CMSS1: variants seen among roughly 807,000 people sequenced by gnomAD.
CMSS1 encodes cms1 ribosomal small subunit homolog.
In CMSS1, 33 loss-of-function variants were observed where a neutral mutation model predicts 43.5. The ratio of observed to expected loss-of-function variants is 0.76; its 90% CI spans 0.57 to 1.01. The LOEUF (loss-of-function observed/expected upper bound fraction) is 1.01, where lower values mean the gene tolerates loss of function less well. CMSS1 is among the 50% of genes least tolerant of loss of function. The probability of loss-of-function intolerance (pLI) is 0.00; values close to 1 mark genes in which losing one functional copy is unlikely to be tolerated. For missense variants in CMSS1, 313 were observed against 326.4 expected (o/e 0.96, Z 0.32); for synonymous variants, 115 against 117.2 (o/e 0.98, Z 0.12).
intron 1 of CMSS1, among the ~76,000 whole-genome samples, chr3:100,023,008 T>TA (rs2064853658): frequency 6.6e-6 from 1 of 152,198 alleles, no homozygotes. Flanking sequence ...TGCCTGCTGT[T>TA]AGAGTAGCCA....
chr3:100,025,806 C>T lies in CMSS1; in HGVS notation c.65-121167C>T, dbSNP rs532272070. On this transcript the variant is annotated intron_variant, in intron 1 of 9. Transcript: ENST00000421999. ...AGAGTTTGAGAAGCTCTGCTGTAGT[C>T]GACCTCCATTTTTTGTTGGTAAGCC... is the stretch of plus-strand genomic sequence containing the variant. Among the ~76,000 whole-genome samples, 5 of 152,194 alleles carry T rather than the reference C, an allele frequency of 3.3e-5. No homozygotes were observed. In the South Asian group the frequency reaches 6.2e-4, roughly 19 times the overall value.
At chr3:99,872,320 T>TGTGTGTGTGTGTGA in intron 1 of CMSS1, among the ~76,000 whole-genome samples, 1 of 143,158 alleles carries the variant, frequency 7.0e-6, no homozygotes, top group Non-Finnish European at 1.5e-5. Flanking sequence ...TGTGTGTGTG[T>TGTGTGTGTGTGTGA]GTGACTGTGG....
chr3:100,147,830 C>T (rs1484412003), intron 2 of CMSS1, among the ~76,000 whole-genome samples: 1 of 152,182 alleles, frequency 6.6e-6, no homozygotes, highest in Non-Finnish European at 1.5e-5. Flanking sequence ...GATTCGTGGT[C>T]TTTGCCATTA....
intron 1 of CMSS1, among the ~76,000 whole-genome samples, chr3:99,935,091 C>T (rs983807894): frequency 6.6e-6 from 1 of 152,076 alleles, no homozygotes; most frequent in East Asian, 1.9e-4. Flanking sequence ...AATTAAGTAT[C>T]TAGAGGAAGA....
chr3:99,829,781 T>C (rs1357755129), intron 1 of CMSS1, among the ~76,000 whole-genome samples: 1 of 152,218 alleles, frequency 6.6e-6, no homozygotes, highest in Non-Finnish European at 1.5e-5. Context: ...TGAGACTAAG[T>C]GCCAGTGGTC....
At chr3:99,847,369 G>A (rs1297350004) in intron 1 of CMSS1, among the ~76,000 whole-genome samples, 1 of 150,220 alleles carries the variant, frequency 6.7e-6, no homozygotes, top group Admixed American at 6.6e-5. Flanking sequence ...TTGCTTTGAA[G>A]TAGAGTGTTC....
intron 1 of CMSS1, among the ~76,000 whole-genome samples, chr3:100,092,908 A>G (rs138697827): frequency 1.9e-4 from 29 of 151,884 alleles, no homozygotes; most frequent in Middle Eastern, 3.4e-3. Flanking sequence ...GTCAAATTCT[A>G]TTCAGTTTAG....
chr3:100,126,993 G>A (rs1160129475), intron 1 of CMSS1, among the ~76,000 whole-genome samples: 10 of 148,644 alleles, frequency 6.7e-5, no homozygotes, highest in East Asian at 2.0e-4. Flanking sequence ...GTGAGACTCC[G>A]TCTCAAAAAA....
intron 1 of CMSS1, among the ~76,000 whole-genome samples, chr3:99,827,470 G>A (rs1316575162): frequency 6.6e-6 from 1 of 152,148 alleles, no homozygotes; most frequent in South Asian, 2.1e-4. Flanking sequence ...GGGATTACAG[G>A]TGTGAGTCAC....
chr3:100,043,501 T>G (rs1229153006), intron 1 of CMSS1, among the ~76,000 whole-genome samples: 2 of 152,206 alleles, frequency 1.3e-5, no homozygotes, highest in African/African-American at 4.8e-5. Flanking sequence ...AGGTATTTAT[T>G]ATGTCTCATT....
At chr3:100,098,341 A>AT (rs1178531157) in intron 1 of CMSS1, among the ~76,000 whole-genome samples, 1 of 152,186 alleles carries the variant, frequency 6.6e-6, no homozygotes, top group Admixed American at 6.5e-5. Context: ...CATTTCCACC[A>AT]TTTAAACTGC....
intron 1 of CMSS1, chr3:99,850,330 T>G: frequency 6.2e-7 from 1 of 1,613,064 alleles, no homozygotes; most frequent in Non-Finnish European, 8.5e-7. Context: ...CCTTTCTTTT[T>G]CTAAATTGCA....
intron 1 of CMSS1, among the ~76,000 whole-genome samples, chr3:99,878,975 TAG>T (rs1705630289): frequency 6.6e-6 from 1 of 152,230 alleles, no homozygotes; most frequent in Non-Finnish European, 1.5e-5. Flanking sequence ...GTGAAAATAG[TAG>T]AGTTATGATC....
intron 1 of CMSS1, among the ~76,000 whole-genome samples, chr3:100,015,314 A>T (rs1458960806): frequency 2.0e-5 from 3 of 152,094 alleles, no homozygotes; most frequent in Non-Finnish European, 4.4e-5. Context: ...TGTATTTTTA[A>T]ATCAGGTAGT....
chr3:100,072,756 T>C (rs1291875309), intron 1 of CMSS1, among the ~76,000 whole-genome samples: 1 of 152,194 alleles, frequency 6.6e-6, no homozygotes, highest in East Asian at 1.9e-4. Flanking sequence ...CTTGATAATG[T>C]ATAGTTATTT....
intron 1 of CMSS1, among the ~76,000 whole-genome samples, chr3:100,094,328 G>A (rs976730862): frequency 2.0e-5 from 3 of 152,000 alleles, no homozygotes; most frequent in African/African-American, 7.2e-5. Context: ...TTTTTAAATG[G>A]TTGTCCTTTC....
chr3:100,010,220 A>G lies in CMSS1; in HGVS notation c.65-136753A>G. The G allele has an allele frequency of 6.1e-6, 4 of 655,660 alleles. No homozygotes were observed. In the South Asian group the frequency reaches 2.8e-4, roughly 45 times the overall value. The allele number at this position is 655,660 out of a possible 1,614,324, so 40.6% of individuals were successfully genotyped here. On this transcript the variant is annotated intron_variant, in intron 1 of 9. Coordinates refer to ENST00000421999, the MANE Select transcript of CMSS1 (RefSeq NM_032359.4). ...TTTTTATCAAATGATGTAAACTGTC[A>G]TTTTTGTGATTTCTCAGTATGTTTT...
chr3:100,139,563 G>GTA (rs1307467232), intron 1 of CMSS1, among the ~76,000 whole-genome samples: 1 of 133,410 alleles, frequency 7.5e-6, no homozygotes, highest in African/African-American at 2.7e-5. Context: ...GTGTGTGTGT[G>GTA]TGTATGTATA....
chr3:99,954,253 CA>C (rs1039828351), intron 1 of CMSS1, among the ~76,000 whole-genome samples: 10 of 152,184 alleles, frequency 6.6e-5, no homozygotes, highest in African/African-American at 2.4e-4. Context: ...GCTTTGAGCC[CA>C]GGTCATCTAA....
Sources: allele counts gnomAD v4.1 joint callset (sites outside exome capture counted in the v4.1 genomes callset), GRCh38; gene constraint gnomAD v4.1.1; transcripts MANE v1.5; gene names NCBI Gene and HGNC (gene_info 2026-07-23, HGNC 2026-07-21).